PDZRN4: variants seen among roughly 807,000 people sequenced by gnomAD.
The protein encoded by PDZRN4 is PDZ domain containing ring finger 4, also known as PDZ domain-containing RING finger protein 4.
A neutral mutation model predicts 99.0 loss-of-function variants in PDZRN4; 70 were observed. The ratio of observed to expected loss-of-function variants is 0.71; its 90% CI spans 0.58 to 0.86. The LOEUF is 0.86. Among genes scored for constraint, PDZRN4 ranks in the 40% least tolerant of loss-of-function variants. The probability of loss-of-function intolerance (pLI) is 0.00; values close to 1 mark genes in which losing one functional copy is unlikely to be tolerated. For missense variants in PDZRN4, 1,474 were observed against 1,331.2 expected, an observed-to-expected ratio of 1.11 and a Z score of -1.67; for synonymous variants, 551 against 501.6, an observed-to-expected ratio of 1.10 and a Z score of -1.32.
chr12:41,403,622 G>A (rs1019034135), intron 3 of PDZRN4, among the ~76,000 whole-genome samples: 2 of 152,122 alleles, frequency 1.3e-5, no homozygotes, highest in Non-Finnish European at 2.9e-5. Context: ...ACAGGAAAGA[G>A]TAAGCATATT....
At chr12:41,432,516 A>T (rs1428641843) in intron 3 of PDZRN4, among the ~76,000 whole-genome samples, 1 of 152,184 alleles carries the variant, frequency 6.6e-6, no homozygotes, top group Non-Finnish European at 1.5e-5. Flanking sequence ...CATTAATTCA[A>T]TATATGTTTA....
At chr12:41,268,146 T>C (rs1951291134) in intron 3 of PDZRN4, among the ~76,000 whole-genome samples, 1 of 152,196 alleles carries the variant, frequency 6.6e-6, no homozygotes, top group Non-Finnish European at 1.5e-5. Context: ...GGCTCCTATG[T>C]TGTACAAGTC....
chr12:41,315,428 C>A (rs564724723), intron 3 of PDZRN4, among the ~76,000 whole-genome samples: 1 of 152,092 alleles, frequency 6.6e-6, no homozygotes, highest in South Asian at 2.1e-4. Flanking sequence ...AATGAAGATG[C>A]ATATGAAAGG....
chr12:41,451,803 G>A (rs533874492), intron 3 of PDZRN4, among the ~76,000 whole-genome samples: 1 of 152,212 alleles, frequency 6.6e-6, no homozygotes, highest in South Asian at 2.1e-4. Flanking sequence ...TTGTCAATGT[G>A]CTAATGACTG....
At chr12:41,480,710 T>A (rs1184937020) in intron 3 of PDZRN4, among the ~76,000 whole-genome samples, 1 of 152,084 alleles carries the variant, frequency 6.6e-6, no homozygotes, top group Non-Finnish European at 1.5e-5. Flanking sequence ...CCTTCTCTTC[T>A]CCTGGAAGAT....
At chr12:41,454,627 T>G (rs1952803407) in intron 3 of PDZRN4, among the ~76,000 whole-genome samples, 1 of 152,202 alleles carries the variant, frequency 6.6e-6, no homozygotes, top group South Asian at 2.1e-4. Flanking sequence ...GGTGTGACAC[T>G]GGTCACAAGG....
chr12:41,448,002 C>T (rs529103197), intron 3 of PDZRN4, among the ~76,000 whole-genome samples: 1 of 152,102 alleles, frequency 6.6e-6, no homozygotes, highest in Non-Finnish European at 1.5e-5. Flanking sequence ...GGAAGATGCT[C>T]TTTTCGGCAT....
chr12:41,259,290 T>A (rs1290292254), intron 3 of PDZRN4, among the ~76,000 whole-genome samples: 1 of 151,160 alleles, frequency 6.6e-6, no homozygotes, highest in Non-Finnish European at 1.5e-5. Context: ...TAAAGAAGAG[T>A]CAGAGAGACA....
intron 3 of PDZRN4, among the ~76,000 whole-genome samples, chr12:41,417,210 TA>T (rs1238925006): frequency 6.6e-6 from 1 of 152,208 alleles, no homozygotes; most frequent in East Asian, 1.9e-4. Flanking sequence ...AAATGTTTTT[TA>T]AAAGGCTTGT....
At chr12:41,342,637 C>T (rs1951826417) in intron 3 of PDZRN4, among the ~76,000 whole-genome samples, 1 of 151,710 alleles carries the variant, frequency 6.6e-6, no homozygotes, top group South Asian at 2.1e-4. Context: ...CAGGAAAATG[C>T]AGATAAAAAC....
chr12:41,350,102 A>T (rs1459163083), intron 3 of PDZRN4, among the ~76,000 whole-genome samples: 1 of 152,006 alleles, frequency 6.6e-6, no homozygotes, highest in Admixed American at 6.6e-5. Context: ...TGAATGTATC[A>T]TTCCTTCATT....
At chr12:41,425,986 G>T (rs1952533152) in intron 3 of PDZRN4, among the ~76,000 whole-genome samples, 1 of 152,182 alleles carries the variant, frequency 6.6e-6, no homozygotes, top group Non-Finnish European at 1.5e-5. Context: ...TCTGTTTCAT[G>T]AGGAGCAGAA....
chr12:41,568,770 T>C (rs998533373), intron 9 of PDZRN4, among the ~76,000 whole-genome samples: 8 of 151,660 alleles, frequency 5.3e-5, no homozygotes, highest in African/African-American at 1.9e-4. Context: ...TACTGATTTG[T>C]TTAATTATCT....
At chr12:41,423,891 C>T (rs538370919) in intron 3 of PDZRN4, among the ~76,000 whole-genome samples, 107 of 152,158 alleles carry the variant, frequency 7.0e-4, no homozygotes, top group Non-Finnish European at 1.3e-3. Flanking sequence ...GAGGAAGAAG[C>T]TATAAACTCC....
chr12:41,408,720 T>G (rs994897808), intron 3 of PDZRN4, among the ~76,000 whole-genome samples: 1 of 151,970 alleles, frequency 6.6e-6, no homozygotes, highest in Non-Finnish European at 1.5e-5. Flanking sequence ...AAGAAACTAT[T>G]TTTCTATTTT....
Position 41,390,647 on chromosome 12 carries a change from G to A in PDZRN4, c.844-115809G>A, listed in dbSNP as rs74732533. 2.1e-4 allele frequency among the ~76,000 whole-genome samples: 31 copies of A among 150,934 alleles called. No individual in the cohort carries two copies. In the East Asian group the frequency reaches 6.0e-3, roughly 29 times the overall value. ...TAGATCATACATGTCCTTCTAATTGGGCTAAATAACATATTATCCCATCAA... is the reference window on the plus strand; with the variant it reads ...TAGATCATACATGTCCTTCTAATTGAGCTAAATAACATATTATCCCATCAA... On this transcript the variant is annotated intron_variant, in intron 3 of 9. Coordinates refer to ENST00000402685, the MANE Select transcript of PDZRN4 (RefSeq NM_001164595.2).
chr12:41,428,922 G>A (rs962261557), intron 3 of PDZRN4, among the ~76,000 whole-genome samples: 10 of 152,200 alleles, frequency 6.6e-5, no homozygotes, highest in Non-Finnish European at 1.0e-4. Flanking sequence ...TAGATGTAGG[G>A]AGAGGGAAGA....
intron 3 of PDZRN4, among the ~76,000 whole-genome samples, chr12:41,457,993 G>A (rs1245373465): frequency 6.6e-6 from 1 of 152,230 alleles, no homozygotes; most frequent in East Asian, 1.9e-4. Flanking sequence ...GGAAAAGGGA[G>A]GGGGAATTGG....
intron 3 of PDZRN4, among the ~76,000 whole-genome samples, chr12:41,466,141 C>A (rs1952922925): frequency 6.6e-6 from 1 of 152,144 alleles, no homozygotes; most frequent in Non-Finnish European, 1.5e-5. Flanking sequence ...CATGAGGCTG[C>A]CTTGATTCTC....
Sources: gnomAD v4.1 joint callset for allele counts (sites outside exome capture counted in the v4.1 genomes callset) on GRCh38, gnomAD v4.1.1 for gene constraint, MANE v1.5 for transcripts, NCBI Gene and HGNC (gene_info 2026-07-23, HGNC 2026-07-21) for gene names.